ZBTB20: variants seen among roughly 807,000 people sequenced by gnomAD.
The protein encoded by ZBTB20 is zinc finger and BTB domain-containing protein 20.
In ZBTB20, 9 loss-of-function variants were observed where a neutral mutation model predicts 56.9. The observed-to-expected ratio is 0.16, with a 90% CI of 0.10 to 0.28. The LOEUF is 0.28. Ranked by LOEUF, ZBTB20 falls within the 10% of genes least tolerant of loss-of-function variation. ZBTB20 has a pLI of 1.00. For synonymous variants in ZBTB20, 417 were observed against 420.7 expected (o/e 0.99, Z 0.11); for missense variants, 655 against 1,003.0 (o/e 0.65, Z 4.69).
intron 5 of ZBTB20, among the ~76,000 whole-genome samples, chr3:114,740,131 T>G (rs2066468165): frequency 1.3e-5 from 2 of 152,210 alleles, no homozygotes. Context: ...TAATCCATTT[T>G]AAGGTTTGGT....
intron 4 of ZBTB20, among the ~76,000 whole-genome samples, chr3:114,872,392 T>C (rs72958249): frequency 0.011 from 1,674 of 152,268 alleles, 38 homozygotes; most frequent in African/African-American, 0.038. Context: ...CATTTTGTGT[T>C]GTAACCAAGA....
At position 114,350,678 on chromosome 3, in the gene ZBTB20, C is replaced by T; in HGVS notation, c.1400G>A (p.Gly467Glu). 1 of 1,614,140 alleles carries T rather than the reference C, an allele frequency of 6.2e-7. No individual in the cohort carries two copies. Among genetic ancestry groups the T allele is most frequent in the South Asian group, 1.1e-5 (1 of 91,072 alleles). Residue 467 changes from glycine to glutamate, a missense_variant, in exon 11 of 12, where the codon GGG (glycine) becomes GAG (glutamate). Physicochemically the swap from Gly to Glu is moderately conservative, Grantham distance 98 (BLOSUM62 -2). Transcript: ENST00000675478. ...LQQPSVNTSI[G>E]QPLPSTQLYL... ...GAGCTGGGTACTTGGCAATGGCTGCCCGATGGACGTGTTGACCGAAGGCTG... is the reference window on the plus strand; with the variant it reads ...GAGCTGGGTACTTGGCAATGGCTGCTCGATGGACGTGTTGACCGAAGGCTG...
In ZBTB20 at chr3:114,796,813, T is replaced by C. The variant is rs552969875; in HGVS notation, c.-343+4288A>G. Among the ~76,000 whole-genome samples the C allele has an allele frequency of 1.6e-4, 25 of 152,088 alleles. No homozygotes were observed. The South Asian group carries it at 1.7e-3, about 10-fold the overall frequency. On this transcript the variant is annotated intron_variant, in intron 5 of 11. Transcript: ENST00000675478. Reference sequence around the variant, plus strand: ...GACTCAGAGAAACTAGTGTGATTTCTAGTTGAAGATTTAAATAAGGATGTT... The same window carrying C: ...GACTCAGAGAAACTAGTGTGATTTCCAGTTGAAGATTTAAATAAGGATGTT...
At chr3:114,659,796 T>A (rs1194246425) in intron 6 of ZBTB20, among the ~76,000 whole-genome samples, 1 of 152,180 alleles carries the variant, frequency 6.6e-6, no homozygotes, top group Non-Finnish European at 1.5e-5. Context: ...ATTTATGAAG[T>A]GACTTCACTA....
intron 10 of ZBTB20, among the ~76,000 whole-genome samples, chr3:114,354,161 A>G (rs1313603578): frequency 6.6e-6 from 1 of 152,146 alleles, no homozygotes; most frequent in Non-Finnish European, 1.5e-5. Flanking sequence ...TTATTTTTTT[A>G]GATGTCACAG....
intron 5 of ZBTB20, among the ~76,000 whole-genome samples, chr3:114,726,012 A>G (rs2065251096): frequency 6.6e-6 from 1 of 152,200 alleles, no homozygotes; most frequent in South Asian, 2.1e-4. Context: ...TATTTATTAT[A>G]ATAGTTGACA....
rs77048136 is a variant in ZBTB20 at position 115,032,958 on chromosome 3, T to TAAA, written c.-507+38258_-507+38260dup. 1.5e-3 allele frequency among the ~76,000 whole-genome samples: 86 copies of TAAA among 56,506 alleles called. 2 individuals carry two copies. The highest frequency in any genetic ancestry group is 3.2e-3 in the African/African-American group (51 of 15,954). The allele number at this position is 56,506 out of a possible 152,430, so 37.1% of individuals were successfully genotyped here. ...AACCTAACTTTACAACCTAAGGAACTAAAAAAAAAAAAAAAAAAACAAACT... is the reference window on the plus strand; with the variant it reads ...AACCTAACTTTACAACCTAAGGAACTAAAAAAAAAAAAAAAAAAAAAACAAACT... On this transcript the variant is annotated intron_variant, in intron 2 of 11. Coordinates refer to ENST00000675478, the MANE Select transcript of ZBTB20 (RefSeq NM_001348800.3).
intron 6 of ZBTB20, among the ~76,000 whole-genome samples, chr3:114,690,018 A>G (rs1437794606): frequency 6.6e-6 from 1 of 151,374 alleles, no homozygotes; most frequent in Non-Finnish European, 1.5e-5. Flanking sequence ...AAATGGAAAG[A>G]AAAAAAAAGA....
At chr3:114,754,542 A>C (rs1299547056) in intron 5 of ZBTB20, among the ~76,000 whole-genome samples, 2 of 152,164 alleles carry the variant, frequency 1.3e-5, no homozygotes, top group Non-Finnish European at 2.9e-5. Flanking sequence ...CTTGAGTTTT[A>C]CTTAAAGAGT....
intron 6 of ZBTB20, among the ~76,000 whole-genome samples, chr3:114,538,857 A>T (rs990717693): frequency 6.6e-6 from 1 of 152,200 alleles, no homozygotes; most frequent in Non-Finnish European, 1.5e-5. Flanking sequence ...AATAATGATT[A>T]GAGTCACATT....
In ZBTB20 at chr3:114,730,826, G is replaced by A. The variant is rs6808744; in HGVS notation, c.-342-37251C>T. ...ATGGTGCCTGTATCAGTGCCTATAT[G>A]GTGCCTATCTCATCACAACCTGTAA... On this transcript the variant is annotated intron_variant, in intron 5 of 11. Transcript: ENST00000675478. Among the ~76,000 whole-genome samples the A allele has an allele frequency of 2.3e-3, 354 of 152,192 alleles. 1 individual carries two copies. The highest frequency in any genetic ancestry group is 7.9e-3 in the African/African-American group (330 of 41,518).
At chr3:114,342,992 A>G (rs1293864480) in intron 11 of ZBTB20, among the ~76,000 whole-genome samples, 1 of 152,178 alleles carries the variant, frequency 6.6e-6, no homozygotes, top group Non-Finnish European at 1.5e-5. Context: ...CAGCAAGGGA[A>G]GAAACTGAGG....
At chr3:114,652,595 T>G (rs1304171615) in intron 6 of ZBTB20, among the ~76,000 whole-genome samples, 1 of 152,048 alleles carries the variant, frequency 6.6e-6, no homozygotes, top group African/African-American at 2.4e-5. Context: ...AAAGTAGAAC[T>G]ATATATTTAC....
chr3:114,328,555 A>T lies in ZBTB20; in HGVS notation c.*10450T>A, dbSNP rs1261346346. 3 of 152,158 alleles carry T rather than the reference A, an allele frequency of 2.0e-5. No homozygotes were observed. The highest frequency in any genetic ancestry group is 4.4e-5 in the Non-Finnish European group (3 of 68,012). 9.4% of individuals were successfully genotyped at this position (152,158 alleles called of 1,614,324 possible). ...TTCATTTTTGGCCAAACGTGAAGGT[A>T]AGGGGAATTAATGACCTCAGCTAGT... On this transcript the variant is annotated 3_prime_UTR_variant, in exon 12 of 12. Coordinates refer to ENST00000675478, the MANE Select transcript of ZBTB20 (RefSeq NM_001348800.3).
intron 3 of ZBTB20, among the ~76,000 whole-genome samples, chr3:114,931,859 T>C (rs1382055265): frequency 6.6e-6 from 1 of 152,150 alleles, no homozygotes; most frequent in African/African-American, 2.4e-5. Flanking sequence ...CAAGCACCCA[T>C]TGAAAGTCTT....
chr3:115,037,996 C>A (rs1649700030), intron 2 of ZBTB20, among the ~76,000 whole-genome samples: 4 of 152,192 alleles, frequency 2.6e-5, no homozygotes, highest in Admixed American at 2.6e-4. Flanking sequence ...ACTCCATTAT[C>A]CTTACAATAG....
At chr3:114,748,561 A>G (rs1370546716) in intron 5 of ZBTB20, among the ~76,000 whole-genome samples, 1 of 152,050 alleles carries the variant, frequency 6.6e-6, no homozygotes, top group African/African-American at 2.4e-5. Context: ...ACTAACTCTC[A>G]GTCCTTGCTC....
intron 2 of ZBTB20, among the ~76,000 whole-genome samples, chr3:115,005,582 T>G (rs1334580745): frequency 1.3e-5 from 2 of 151,814 alleles, no homozygotes; most frequent in African/African-American, 4.8e-5. Context: ...GAACATCTCT[T>G]TGCATTAATA....
chr3:114,384,407 A>G (rs2084828090), intron 8 of ZBTB20, among the ~76,000 whole-genome samples: 1 of 152,018 alleles, frequency 6.6e-6, no homozygotes, highest in Non-Finnish European at 1.5e-5. Flanking sequence ...TTCCACAGAG[A>G]AACAGACCAA....
Sources: allele counts gnomAD v4.1 joint callset (sites outside exome capture counted in the v4.1 genomes callset), GRCh38; gene constraint gnomAD v4.1.1; transcripts MANE v1.5; gene names NCBI Gene and HGNC (gene_info 2026-07-23, HGNC 2026-07-21).